Variants in PABIR3 observed in about 807,000 individuals in gnomAD.
PABIR3 encodes PABIR family member 3.
PABIR3 carries 20 observed loss-of-function variants against 23.1 expected under a neutral mutation model. The ratio of observed to expected loss-of-function variants is 0.86; its 90% CI spans 0.61 to 1.26. The LOEUF is 1.26. PABIR3 is among the 50% of genes most tolerant of loss of function. PABIR3 has a pLI of 0.00. For missense variants in PABIR3, 189 were observed against 195.4 expected (o/e 0.97, Z 0.20); for synonymous variants, 69 against 68.5 (o/e 1.01, Z -0.04).
At chrX:134,857,296 T>C (rs2148380088), downstream of PABIR3, among the ~76,000 whole-genome samples, 1 of 111,173 alleles carries the variant, frequency 9.0e-6, no homozygotes, top group South Asian at 3.9e-4. Context: ...TGGCAATCCT[T>C]GGCTTACGGA....
At chrX:134,796,537 G>A (rs1415413031), upstream of PABIR3, 8 of 167,895 alleles carry the variant, frequency 4.8e-5, no homozygotes, top group Non-Finnish European at 8.8e-5. Context: ...GGAAGAGGGA[G>A]GGAAAAGGAT....
upstream of PABIR3, among the ~76,000 whole-genome samples, chrX:134,803,264 T>A (rs1268138009): frequency 1.8e-5 from 2 of 111,597 alleles, no homozygotes; most frequent in Admixed American, 9.5e-5. Flanking sequence ...TGGGGCCACA[T>A]GTGGAAGGAG....
intron 4 of PABIR3, chrX:134,839,679 G>A: frequency 8.7e-6 from 1 of 114,922 alleles, no homozygotes; most frequent in Non-Finnish European, 1.8e-5. Context: ...CCCCATCCAG[G>A]AGGGAGGTGG....
intron 4 of PABIR3, among the ~76,000 whole-genome samples, chrX:134,835,963 G>A (rs931674479): frequency 5.4e-5 from 6 of 111,574 alleles, no homozygotes; most frequent in South Asian, 3.7e-4. Context: ...TCAGCCTCCC[G>A]AGTAGCTGGG....
At chrX:134,849,126 A>T (rs757065885) in intron 8 of PABIR3, 41 bp from the exon 9 acceptor site, 435 of 741,245 alleles carry the variant, frequency 5.9e-4, no homozygotes, top group Non-Finnish European at 7.2e-4. Flanking sequence ...TGATTTTGTT[A>T]AAAAAAATTT....
intron 3 of PABIR3, among the ~76,000 whole-genome samples, chrX:134,826,576 G>A (rs1220631086): frequency 1.8e-5 from 2 of 110,668 alleles, no homozygotes; most frequent in Non-Finnish European, 3.8e-5. Flanking sequence ...TCCCCTCTGA[G>A]CAGAAAAATA....
intron 3 of PABIR3, chrX:134,821,494 G>C (rs1020550222): frequency 1.7e-6 from 2 of 1,149,497 alleles, no homozygotes; most frequent in Non-Finnish European, 2.3e-6. Context: ...TGCTCAAGCC[G>C]GATGTCACTG....
intron 1 of PABIR3, among the ~76,000 whole-genome samples, chrX:134,800,178 G>A (rs1238766415): frequency 9.2e-6 from 1 of 108,362 alleles, no homozygotes; most frequent in Admixed American, 9.9e-5. Flanking sequence ...GCAGGTGCTT[G>A]TAGTCCCAGC....
rs760437198 is a variant in PABIR3 at position 134,854,227 on chromosome X, T to C, written c.*10T>C. On this transcript the variant is annotated 3_prime_UTR_variant, in exon 11 of 11. Coordinates refer to ENST00000645433, the MANE Select transcript of PABIR3 (RefSeq NM_001388447.1). Reference sequence around the variant, plus strand: ...TTCTCATTTGTTCTAGTAGACAAACTTTCAACTAAATGATTCACCCATCCC... The same window carrying C: ...TTCTCATTTGTTCTAGTAGACAAACCTTCAACTAAATGATTCACCCATCCC... 1 of 1,202,869 alleles carries C rather than the reference T, an allele frequency of 8.3e-7. No individual in the cohort carries two copies. The highest frequency in any genetic ancestry group is 1.1e-6 in the Non-Finnish European group (1 of 891,134).
chrX:134,809,871 A>G (rs1004669659), intron 2 of PABIR3: 151 of 752,542 alleles, frequency 2.0e-4, no homozygotes, highest in Non-Finnish European at 2.3e-4. Flanking sequence ...GAGAGAATAT[A>G]TTGTTCACAA....
At position 134,821,244 on chromosome X, in the gene PABIR3, TAAAAAAAAAAAA is replaced by T. The variant is rs34486506; in HGVS notation, c.189+6407_189+6418del. The T allele has an allele frequency of 5.3e-6, 3 of 568,661 alleles. No homozygotes were observed. In the African/African-American group the frequency reaches 1.1e-4, roughly 21 times the overall value. 46.9% of individuals were successfully genotyped at this position (568,661 alleles called of 1,213,427 possible). A position where few individuals can be genotyped will look rare whatever the true frequency, so the allele number is the denominator to read the frequency against. On this transcript the variant is annotated intron_variant, in intron 3 of 10. Transcript: ENST00000645433. ...AAAGATGCGTATTTTCCAAGCATTGTAAAAAAAAAAAAAAAAAAAAAAACTGTTCCCTCACAA... is the reference window on the plus strand; with the variant it reads ...AAAGATGCGTATTTTCCAAGCATTGTAAAAAAAAAAACTGTTCCCTCACAA...
chrX:134,810,987 G>A, intron 2 of PABIR3: 1 of 753,683 alleles, frequency 1.3e-6, no homozygotes, highest in Non-Finnish European at 1.6e-6. Context: ...AAACATTGTT[G>A]CACCTCTTTC....
Position 134,854,389 on chromosome X carries a change from C to A in PABIR3, c.*172C>A. On this transcript the variant is annotated 3_prime_UTR_variant, in exon 11 of 11. Coordinates refer to ENST00000645433, the MANE Select transcript of PABIR3 (RefSeq NM_001388447.1). ...CCTAAAATTCTATTTATCTACAGAA[C>A]TTGCGTGTATAATTCTTGTGTACAT... 2.1e-6 allele frequency: 1 copy of A among 473,607 alleles called. No homozygotes were observed. Among genetic ancestry groups the A allele is most frequent in the South Asian group, 7.5e-5 (1 of 13,340 alleles). The allele number at this position is 473,607 out of a possible 1,213,427, so 39.0% of individuals were successfully genotyped here.
At chrX:134,861,097 A>G in the PABIR3 span, among the ~76,000 whole-genome samples, 34 of 110,987 alleles carry the variant, frequency 3.1e-4, no homozygotes, top group Non-Finnish European at 4.5e-4. Context: ...CAATATGGTG[A>G]AACCCTTTCT....
At chrX:134,840,552 G>A (rs1051496900) in intron 4 of PABIR3, among the ~76,000 whole-genome samples, 5 of 110,269 alleles carry the variant, frequency 4.5e-5, no homozygotes, top group South Asian at 3.9e-4. Context: ...CATTCTTATC[G>A]TCATCTTCAT....
At chrX:134,862,701 T>TA in the PABIR3 span, among the ~76,000 whole-genome samples, 1 of 111,974 alleles carries the variant, frequency 8.9e-6, no homozygotes, top group South Asian at 3.7e-4. Flanking sequence ...ATGCAGTTAT[T>TA]AATTTTGTAA....
chrX:134,798,399 G>A (rs768452682), intron 1 of PABIR3, among the ~76,000 whole-genome samples: 16 of 112,229 alleles, frequency 1.4e-4, no homozygotes, highest in Admixed American at 6.6e-4. Flanking sequence ...TGCTGGAGGC[G>A]GGTAGGTGCA....
chrX:134,849,491 G>C (rs7885216), intron 9 of PABIR3, among the ~76,000 whole-genome samples: 15,837 of 110,791 alleles, frequency 0.14, 1,713 homozygotes, highest in African/African-American at 0.38. Flanking sequence ...ATTCACCAAG[G>C]TAGCTATCTT....
In PABIR3 at chrX:134,845,288, A is replaced by G. The variant is rs771605773; in HGVS notation, c.290+40A>G. On this transcript the variant is annotated intron_variant, in intron 5 of 10. Transcript: ENST00000645433. ...TTGAATTACTATTCTGATAATTTGT[A>G]TACTTAATTATATCTTTTCTTTCAG... The G allele has an allele frequency of 4.3e-6, 5 of 1,168,876 alleles. No individual in the cohort carries two copies. In the South Asian group the frequency reaches 9.3e-5, roughly 22 times the overall value.
Sources: allele counts gnomAD v4.1 joint callset (sites outside exome capture counted in the v4.1 genomes callset), GRCh38; gene constraint gnomAD v4.1.1; transcripts MANE v1.5; gene names NCBI Gene and HGNC (gene_info 2026-07-23, HGNC 2026-07-21).